DTWD2: variants seen among roughly 807,000 people sequenced by gnomAD.
DTWD2 encodes the protein tRNA-uridine aminocarboxypropyltransferase 2.
Under a neutral mutation model 31.8 loss-of-function variants are expected in DTWD2, and 39 were observed. That is an observed-to-expected ratio of 1.22 (90% confidence interval 0.95 to 1.60). The LOEUF is 1.60. DTWD2 is among the 40% of genes most tolerant of loss of function. DTWD2 has a pLI of 0.00. For missense variants in DTWD2, 515 were observed against 381.5 expected, an observed-to-expected ratio of 1.35 and a Z score of -2.92; for synonymous variants, 180 against 142.8, an observed-to-expected ratio of 1.26 and a Z score of -1.86.
chr5:118,943,454 G>A (rs1754255901), intron 2 of DTWD2, among the ~76,000 whole-genome samples: 1 of 152,042 alleles, frequency 6.6e-6, no homozygotes, highest in Non-Finnish European at 1.5e-5. Context: ...GGGAGGCCGA[G>A]GCAGGAGAAT....
chr5:118,875,898 A>G (rs1415752301), intron 4 of DTWD2, among the ~76,000 whole-genome samples: 1 of 152,232 alleles, frequency 6.6e-6, no homozygotes, highest in Non-Finnish European at 1.5e-5. Flanking sequence ...ACAACAGAAT[A>G]TATATTCTTT....
At chr5:118,911,008 G>A (rs1008817041) in intron 4 of DTWD2, among the ~76,000 whole-genome samples, 14 of 152,208 alleles carry the variant, frequency 9.2e-5, no homozygotes, top group South Asian at 6.2e-4. Context: ...CATCACCTTC[G>A]GGGGTTAGGT....
chr5:118,884,744 T>C (rs921051779), intron 4 of DTWD2, among the ~76,000 whole-genome samples: 3 of 151,948 alleles, frequency 2.0e-5, no homozygotes, highest in African/African-American at 2.4e-5. Flanking sequence ...TGGTGGCTCA[T>C]GCCTGTAATC....
intron 4 of DTWD2, among the ~76,000 whole-genome samples, chr5:118,905,741 T>G (rs761551652): frequency 6.6e-5 from 10 of 152,140 alleles, no homozygotes; most frequent in Non-Finnish European, 1.2e-4. Context: ...TAAATATGGC[T>G]TTGCTAACCA....
intron 3 of DTWD2, among the ~76,000 whole-genome samples, chr5:118,931,428 A>G (rs1753921111): frequency 6.6e-6 from 1 of 151,338 alleles, no homozygotes; most frequent in African/African-American, 2.4e-5. Flanking sequence ...AAGTAACTGC[A>G]GTCTGCAATA....
intron 4 of DTWD2, among the ~76,000 whole-genome samples, chr5:118,877,789 A>G (rs534476184): frequency 6.6e-6 from 1 of 152,338 alleles, no homozygotes; most frequent in South Asian, 2.1e-4. Flanking sequence ...TCCTATAGCT[A>G]GAAAACCCCA....
At chr5:118,885,193 C>T (rs889705827) in intron 4 of DTWD2, among the ~76,000 whole-genome samples, 15 of 151,314 alleles carry the variant, frequency 9.9e-5, no homozygotes, top group African/African-American at 3.2e-4. Flanking sequence ...GTGTCTCATG[C>T]CTGTAATCCC....
intron 1 of DTWD2, among the ~76,000 whole-genome samples, chr5:118,959,175 A>C (rs1238268423): frequency 6.6e-6 from 1 of 152,142 alleles, no homozygotes. Context: ...GTTTGCAGAC[A>C]ATATTCTTTT....
chr5:118,900,797 T>C (rs1324537037), intron 4 of DTWD2, among the ~76,000 whole-genome samples: 2 of 151,932 alleles, frequency 1.3e-5, no homozygotes, highest in East Asian at 3.9e-4. Flanking sequence ...TGGTGGCAGA[T>C]GTCTGTAGTC....
chr5:118,887,238 AG>A (rs1752887273), intron 4 of DTWD2, among the ~76,000 whole-genome samples: 1 of 152,172 alleles, frequency 6.6e-6, no homozygotes, highest in African/African-American at 2.4e-5. Context: ...ATTCTCTAAA[AG>A]TTTGTGCAAG....
At chr5:118,914,740 T>C (rs1041707531) in intron 4 of DTWD2, among the ~76,000 whole-genome samples, 1 of 152,000 alleles carries the variant, frequency 6.6e-6, no homozygotes, top group African/African-American at 2.4e-5. Context: ...TTAAAACAAG[T>C]AAAATAAAAC....
At chr5:118,893,343 A>G (rs1237864022) in intron 4 of DTWD2, among the ~76,000 whole-genome samples, 3 of 148,260 alleles carry the variant, frequency 2.0e-5, no homozygotes, top group East Asian at 2.0e-4. Context: ...CCTGGGCAAC[A>G]CACTAAGACA....
chr5:118,898,457 AG>A (rs1753130023), intron 4 of DTWD2, among the ~76,000 whole-genome samples: 1 of 151,786 alleles, frequency 6.6e-6, no homozygotes, highest in Non-Finnish European at 1.5e-5. Flanking sequence ...TGGGAGTTCA[AG>A]ACCAGCCTGG....
intron 1 of DTWD2, among the ~76,000 whole-genome samples, chr5:118,979,586 G>A (rs146196936): frequency 6.6e-6 from 1 of 152,294 alleles, no homozygotes; most frequent in East Asian, 1.9e-4. Flanking sequence ...ATTCATAATA[G>A]CAAAGACATG....
chr5:118,972,429 T>G (rs1755008123), intron 1 of DTWD2, among the ~76,000 whole-genome samples: 1 of 152,122 alleles, frequency 6.6e-6, no homozygotes, highest in Non-Finnish European at 1.5e-5. Context: ...AGGAAGAAAT[T>G]GAGTACTTGA....
intron 4 of DTWD2, among the ~76,000 whole-genome samples, chr5:118,911,830 C>A (rs1753464576): frequency 1.3e-5 from 2 of 152,160 alleles, no homozygotes; most frequent in South Asian, 4.1e-4. Context: ...TCTCACAGAC[C>A]AACTCTCACT....
At chr5:118,859,296 TATTC>T (rs1308200023) in intron 4 of DTWD2, among the ~76,000 whole-genome samples, 1 of 151,984 alleles carries the variant, frequency 6.6e-6, no homozygotes, top group African/African-American at 2.4e-5. Flanking sequence ...AAGAATCACA[TATTC>T]ATTATTTTCA....
At chr5:118,860,373 T>A (rs1394787988) in intron 4 of DTWD2, among the ~76,000 whole-genome samples, 3 of 151,648 alleles carry the variant, frequency 2.0e-5, no homozygotes, top group Non-Finnish European at 2.9e-5. Flanking sequence ...CCTTTTCATA[T>A]TTTTTATATT....
intron 4 of DTWD2, among the ~76,000 whole-genome samples, chr5:118,869,766 C>T (rs1464284715): frequency 6.6e-6 from 1 of 152,184 alleles, no homozygotes; most frequent in African/African-American, 2.4e-5. Context: ...TATAAATACT[C>T]TTCAACTGAG....
Sources: allele counts gnomAD v4.1 joint callset (sites outside exome capture counted in the v4.1 genomes callset), GRCh38; gene constraint gnomAD v4.1.1; transcripts MANE v1.5; gene names NCBI Gene and HGNC (gene_info 2026-07-23, HGNC 2026-07-21).